The following ATXN1 variants were observed in gnomAD, a reference collection of about 807,000 sequenced individuals.
ATXN1 encodes the protein ataxin-1.
ATXN1 carries 8 observed loss-of-function variants against 56.4 expected under a neutral mutation model. That is an observed-to-expected ratio of 0.14 (90% confidence interval 0.08 to 0.26). ATXN1 has a LOEUF of 0.26. Ranked by LOEUF, ATXN1 falls within the 10% of genes least tolerant of loss-of-function variation. The pLI, the probability that ATXN1 is intolerant of heterozygous loss-of-function variation, is 1.00. For missense variants in ATXN1, 987 were observed against 1,106.5 expected (o/e 0.89, Z 1.53); for synonymous variants, 514 against 494.6 (o/e 1.04, Z -0.52).
chr6:16,719,480 A>C (rs967031403), intron 2 of ATXN1, among the ~76,000 whole-genome samples: 2 of 152,254 alleles, frequency 1.3e-5, no homozygotes, highest in Non-Finnish European at 2.9e-5. Flanking sequence ...TTTAAGAAAA[A>C]GCATGTCATC....
intron 2 of ATXN1, among the ~76,000 whole-genome samples, chr6:16,702,087 C>T (rs1202692784): frequency 3.3e-5 from 5 of 151,796 alleles, no homozygotes; most frequent in South Asian, 2.1e-4. Context: ...TCAAACTATA[C>T]TACAAGGCTA....
At chr6:16,452,253 T>C (rs994911404) in intron 6 of ATXN1, among the ~76,000 whole-genome samples, 2 of 152,320 alleles carry the variant, frequency 1.3e-5, no homozygotes, top group South Asian at 4.1e-4. Context: ...GAGTTCAGGG[T>C]GTATTGCTGG....
chr6:16,642,457 G>T (rs528437073), intron 3 of ATXN1, among the ~76,000 whole-genome samples: 2 of 152,322 alleles, frequency 1.3e-5, no homozygotes, highest in South Asian at 4.1e-4. Context: ...TACTCCTGAT[G>T]AAGATACTGT....
chr6:16,740,130 T>A (rs1760282340), intron 2 of ATXN1, among the ~76,000 whole-genome samples: 1 of 152,210 alleles, frequency 6.6e-6, no homozygotes, highest in Non-Finnish European at 1.5e-5. Context: ...AATCAGATTC[T>A]GAGTATTTCT....
Position 16,328,324 on chromosome 6 carries a change from C to A in ATXN1, c.-14G>T. The A allele has an allele frequency of 6.7e-7, 1 of 1,496,748 alleles. No individual in the cohort carries two copies. Among genetic ancestry groups the A allele is most frequent in the South Asian group, 1.3e-5 (1 of 74,776 alleles). 92.7% of individuals were successfully genotyped at this position (1,496,748 alleles called of 1,614,324 possible). Reference sequence around the variant, plus strand: ...GTTGGATTTCATTTTTCGCCGTCCCCCCTCCACGGTGACTGTTTCACTGTC... The same window carrying A: ...GTTGGATTTCATTTTTCGCCGTCCCACCTCCACGGTGACTGTTTCACTGTC... On this transcript the variant is annotated 5_prime_UTR_variant, in exon 7 of 8. Transcript: ENST00000436367. The surrounding 1 kb of genome is among the most constrained non-coding windows in gnomAD (Gnocchi z 6.2).
intron 3 of ATXN1, among the ~76,000 whole-genome samples, chr6:16,635,008 A>G (rs1406898061): frequency 6.6e-6 from 1 of 152,210 alleles, no homozygotes; most frequent in Non-Finnish European, 1.5e-5. Context: ...CCTCCTGCAC[A>G]ACAGGAGGTG....
intron 3 of ATXN1, 55 bp from the exon 4 acceptor site, chr6:16,585,962 T>A (rs1762613297): frequency 6.6e-6 from 1 of 152,094 alleles, no homozygotes; most frequent in African/African-American, 2.4e-5. Flanking sequence ...GTGGTCTTCA[T>A]TCACATTCGC....
intron 6 of ATXN1, among the ~76,000 whole-genome samples, chr6:16,358,567 G>T (rs929623855): frequency 6.6e-6 from 1 of 152,248 alleles, no homozygotes; most frequent in African/African-American, 2.4e-5. Flanking sequence ...ACTGAACACC[G>T]TAATGATGGC....
At chr6:16,359,730 A>G (rs1761768367) in intron 6 of ATXN1, among the ~76,000 whole-genome samples, 1 of 152,182 alleles carries the variant, frequency 6.6e-6, no homozygotes, top group Non-Finnish European at 1.5e-5. Context: ...ATGTCTGTGT[A>G]CCTCATTCTT....
chr6:16,463,662 C>A (rs1218568176), intron 6 of ATXN1, among the ~76,000 whole-genome samples: 4 of 152,214 alleles, frequency 2.6e-5, no homozygotes, highest in Admixed American at 1.3e-4. Flanking sequence ...TGTTTTTACA[C>A]TAACCACTCA....
intron 3 of ATXN1, among the ~76,000 whole-genome samples, chr6:16,605,121 G>A (rs140874783): frequency 5.3e-4 from 81 of 152,280 alleles, no homozygotes; most frequent in African/African-American, 1.9e-3. Flanking sequence ...TACGTGAACT[G>A]CTTCCACTAA....
chr6:16,582,400 T>C (rs1316924881), intron 4 of ATXN1, among the ~76,000 whole-genome samples: 1 of 152,188 alleles, frequency 6.6e-6, no homozygotes, highest in Admixed American at 6.5e-5. Flanking sequence ...AAAAAGGCCT[T>C]TGCTAAATTA....
chr6:16,331,959 G>A (rs1761002987), intron 6 of ATXN1, among the ~76,000 whole-genome samples: 1 of 152,234 alleles, frequency 6.6e-6, no homozygotes, highest in Non-Finnish European at 1.5e-5. Flanking sequence ...CGAAATGATT[G>A]CTAAGACATA....
At chr6:16,526,064 T>TATATATATATATATATATATATACATAC (rs370698828) in intron 4 of ATXN1, among the ~76,000 whole-genome samples, 1 of 133,310 alleles carries the variant, frequency 7.5e-6, no homozygotes, top group African/African-American at 3.1e-5. Context: ...TATATATATA[T>TATATATATATATATATATATATACATAC]ACATACATAC....
intron 1 of ATXN1, among the ~76,000 whole-genome samples, chr6:16,757,461 C>T (rs531746725): frequency 6.6e-6 from 1 of 152,138 alleles, no homozygotes; most frequent in Non-Finnish European, 1.5e-5. Flanking sequence ...ATCTATTTAC[C>T]ACCTTATAAA....
At chr6:16,504,965 C>T (rs1055850391) in intron 5 of ATXN1, among the ~76,000 whole-genome samples, 1 of 151,326 alleles carries the variant, frequency 6.6e-6, no homozygotes, top group Admixed American at 6.6e-5. Flanking sequence ...CCACCTCCTC[C>T]TCCTCCTGCA....
chr6:16,516,593 C>T (rs757735941), intron 5 of ATXN1, among the ~76,000 whole-genome samples: 1 of 152,166 alleles, frequency 6.6e-6, no homozygotes, highest in East Asian at 1.9e-4. Flanking sequence ...GCATCCACAG[C>T]GGTCACTGTA....
At chr6:16,648,598 T>C (rs1763842111) in intron 3 of ATXN1, among the ~76,000 whole-genome samples, 1 of 152,184 alleles carries the variant, frequency 6.6e-6, no homozygotes, top group Non-Finnish European at 1.5e-5. Context: ...TGTAAACAGC[T>C]GAAGGGTCAG....
intron 4 of ATXN1, among the ~76,000 whole-genome samples, chr6:16,544,048 T>C (rs1231591290): frequency 6.6e-6 from 1 of 152,256 alleles, no homozygotes; most frequent in Non-Finnish European, 1.5e-5. Flanking sequence ...ATTCCAGTCC[T>C]GGGTGTGCCA....
Sources: gnomAD v4.1 joint callset for allele counts (sites outside exome capture counted in the v4.1 genomes callset) on GRCh38, gnomAD v4.1.1 for gene constraint, Gnocchi (gnomAD v3.1) non-coding constraint, MANE v1.5 for transcripts, NCBI Gene and HGNC (gene_info 2026-07-23, HGNC 2026-07-21) for gene names.